The following ADAMTS12 variants were observed in gnomAD, a reference collection of about 807,000 sequenced individuals.
ADAMTS12 encodes the protein ADAM metallopeptidase with thrombospondin type 1 motif 12.
ADAMTS12 carries 118 observed loss-of-function variants against 167.8 expected under a neutral mutation model. That is an observed-to-expected ratio of 0.70 (90% confidence interval 0.61 to 0.82). ADAMTS12 has a LOEUF of 0.82. Ranked by LOEUF, ADAMTS12 falls within the 40% of genes least tolerant of loss-of-function variation. ADAMTS12 has a pLI of 0.00. For missense variants in ADAMTS12, 1,916 were observed against 1,998.8 expected, an observed-to-expected ratio of 0.96 and a Z score of 0.79; for synonymous variants, 704 against 716.9, an observed-to-expected ratio of 0.98 and a Z score of 0.29.
rs144282015 is a variant in ADAMTS12 at position 33,554,241 on chromosome 5, A to G, written c.4126-4858T>C. Reference sequence around the variant, plus strand: ...ATTTGAAGTGGAGGTAATGGCATGCACAGAGACTGTGAACCCACATGGCTT... The same window carrying G: ...ATTTGAAGTGGAGGTAATGGCATGCGCAGAGACTGTGAACCCACATGGCTT... On this transcript the variant is annotated intron_variant, in intron 20 of 23. Transcript: ENST00000504830. Among the ~76,000 whole-genome samples, 326 of 152,334 alleles carry G rather than the reference A, an allele frequency of 2.1e-3. 1 individual carries two copies. The highest frequency in any genetic ancestry group is 7.5e-3 in the African/African-American group (313 of 41,572).
intron 2 of ADAMTS12, among the ~76,000 whole-genome samples, chr5:33,783,601 C>A (rs1039568592): frequency 6.6e-6 from 1 of 151,886 alleles, no homozygotes; most frequent in Non-Finnish European, 1.5e-5. Context: ...AGCTGTAATT[C>A]TGTGCCAACA....
At chr5:33,771,822 TTTTC>T (rs1194841264) in intron 2 of ADAMTS12, among the ~76,000 whole-genome samples, 182 of 151,726 alleles carry the variant, frequency 1.2e-3, no homozygotes, top group African/African-American at 3.4e-3. Context: ...CCCTCATCCT[TTTTC>T]TTTCTTTCTT....
intron 3 of ADAMTS12, among the ~76,000 whole-genome samples, chr5:33,710,668 T>C (rs1225714018): frequency 2.6e-5 from 4 of 152,150 alleles, no homozygotes; most frequent in Non-Finnish European, 1.5e-5. Flanking sequence ...GAGGTTGTCC[T>C]ATGCACTGTG....
At chr5:33,533,868 C>G (rs1006655911) in intron 23 of ADAMTS12, among the ~76,000 whole-genome samples, 10 of 152,166 alleles carry the variant, frequency 6.6e-5, no homozygotes, top group African/African-American at 2.4e-4. Context: ...TGGGCTTCCT[C>G]TCTCAGTGCA....
rs139267156 is a variant in ADAMTS12 at position 33,800,345 on chromosome 5, T to C, written c.490-48797A>G. Among the ~76,000 whole-genome samples the C allele has an allele frequency of 4.3e-3, 650 of 152,050 alleles. 2 individuals are homozygous for C. The highest frequency in any genetic ancestry group is 0.015 in the African/African-American group (618 of 41,458). ...AGTGAGACAGATGAAACAAAGCATATGACAAATAAAAATCAGGACCGGAAG... is the reference window on the plus strand; with the variant it reads ...AGTGAGACAGATGAAACAAAGCATACGACAAATAAAAATCAGGACCGGAAG... On this transcript the variant is annotated intron_variant, in intron 2 of 23. Transcript: ENST00000504830.
At chr5:33,800,630 G>T (rs1746961952) in intron 2 of ADAMTS12, among the ~76,000 whole-genome samples, 1 of 86,296 alleles carries the variant, frequency 1.2e-5, no homozygotes, top group Non-Finnish European at 2.4e-5. Flanking sequence ...CAATTCAAAA[G>T]TATTTTTTTT....
At chr5:33,667,018 T>C (rs925870063) in intron 5 of ADAMTS12, among the ~76,000 whole-genome samples, 21 of 152,196 alleles carry the variant, frequency 1.4e-4, no homozygotes, top group African/African-American at 4.8e-4. Context: ...AGGAGAGTGA[T>C]GATTAACTCC....
At chr5:33,768,529 T>C (rs1469205591) in intron 2 of ADAMTS12, among the ~76,000 whole-genome samples, 1 of 152,204 alleles carries the variant, frequency 6.6e-6, no homozygotes, top group Non-Finnish European at 1.5e-5. Flanking sequence ...TTTTGCACGT[T>C]TTTAAATTTT....
intron 19 of ADAMTS12, among the ~76,000 whole-genome samples, chr5:33,574,653 C>T (rs1017815146): frequency 7.3e-5 from 11 of 150,072 alleles, no homozygotes; most frequent in East Asian, 3.9e-4. Flanking sequence ...TGCTAAACGA[C>T]GAATTAATGG....
chr5:33,604,300 G>A (rs529679557), intron 16 of ADAMTS12, among the ~76,000 whole-genome samples: 11 of 152,178 alleles, frequency 7.2e-5, no homozygotes, highest in African/African-American at 9.6e-5. Flanking sequence ...TCAGGAGTTC[G>A]AGACCAGCCT....
chr5:33,560,768 T>C (rs1372880039), intron 20 of ADAMTS12, among the ~76,000 whole-genome samples: 11 of 77,792 alleles, frequency 1.4e-4, no homozygotes, highest in Non-Finnish European at 2.4e-5. Flanking sequence ...CGGGGCCTGT[T>C]GTGGGGTGGG....
chr5:33,842,847 A>G (rs1255341149), intron 2 of ADAMTS12, among the ~76,000 whole-genome samples: 1 of 152,246 alleles, frequency 6.6e-6, no homozygotes, highest in Non-Finnish European at 1.5e-5. Flanking sequence ...TAGAAAAACT[A>G]CAAAAGACAG....
intron 16 of ADAMTS12, among the ~76,000 whole-genome samples, chr5:33,597,351 G>A (rs4376270): frequency 0.47 from 71,915 of 152,106 alleles, 17,818 homozygotes; most frequent in South Asian, 0.6. Flanking sequence ...AGGCAGAACA[G>A]TCTGTACAAA....
At chr5:33,528,972 A>C (rs1029779267) in intron 23 of ADAMTS12, among the ~76,000 whole-genome samples, 1 of 152,078 alleles carries the variant, frequency 6.6e-6, no homozygotes, top group Admixed American at 6.6e-5. Flanking sequence ...TTGAAACCGG[A>C]AGGTGGAGGT....
chr5:33,832,971 CT>C (rs974702960), intron 2 of ADAMTS12, among the ~76,000 whole-genome samples: 1 of 152,182 alleles, frequency 6.6e-6, no homozygotes, highest in Non-Finnish European at 1.5e-5. Flanking sequence ...TCAATATCAT[CT>C]CTCTTGTTCA....
chr5:33,771,313 G>A (rs1481962864), intron 2 of ADAMTS12, among the ~76,000 whole-genome samples: 5 of 152,048 alleles, frequency 3.3e-5, no homozygotes, highest in Admixed American at 6.6e-5. Flanking sequence ...AATTACAATG[G>A]GTTTGGAAGG....
chr5:33,838,750 A>C (rs1748627131), intron 2 of ADAMTS12, among the ~76,000 whole-genome samples: 1 of 152,106 alleles, frequency 6.6e-6, no homozygotes, highest in Non-Finnish European at 1.5e-5. Context: ...AAAAGAGGAA[A>C]GATGGAGCAG....
chr5:33,686,921 G>C (rs994692906), intron 3 of ADAMTS12, among the ~76,000 whole-genome samples: 3 of 32,530 alleles, frequency 9.2e-5, no homozygotes, highest in Admixed American at 7.4e-4. Flanking sequence ...TATAGGCACT[G>C]AATATATATA....
rs1020496873 is a variant in ADAMTS12, at chr5:33,793,341, A to G, written c.490-41793T>C. Among the ~76,000 whole-genome samples the G allele has an allele frequency of 3.9e-5, 6 of 152,384 alleles. No individual in the cohort carries two copies. The South Asian group carries it at 1.2e-3, about 32-fold the overall frequency. ...CCCCAACAAAATGAGAATCTGTTCAAAATGTTAAAGCAAAATATCAAATGT... is the reference window on the plus strand; with the variant it reads ...CCCCAACAAAATGAGAATCTGTTCAGAATGTTAAAGCAAAATATCAAATGT... On this transcript the variant is annotated intron_variant, in intron 2 of 23. Transcript: ENST00000504830.
Sources: gnomAD v4.1 joint callset for allele counts (sites outside exome capture counted in the v4.1 genomes callset) on GRCh38, gnomAD v4.1.1 for gene constraint, MANE v1.5 for transcripts, NCBI Gene and HGNC (gene_info 2026-07-23, HGNC 2026-07-21) for gene names.